Variants in DAPK2 observed in about 807,000 individuals in gnomAD.
DAPK2 encodes death-associated protein kinase 2.
A neutral mutation model predicts 44.1 loss-of-function variants in DAPK2; 35 were observed. The ratio of observed to expected loss-of-function variants is 0.79; its 90% CI spans 0.61 to 1.05. The LOEUF (loss-of-function observed/expected upper bound fraction) is 1.05. Ranked by LOEUF, DAPK2 falls within the 50% of genes least tolerant of loss-of-function variation. The probability of loss-of-function intolerance (pLI) is 0.00; values close to 1 mark genes in which losing one functional copy is unlikely to be tolerated. For missense variants in DAPK2, 453 were observed against 483.2 expected, an observed-to-expected ratio of 0.94 and a Z score of 0.59; for synonymous variants, 174 against 182.6, an observed-to-expected ratio of 0.95 and a Z score of 0.38.
At chr15:63,944,230 AC>A (rs1235190131) in intron 3 of DAPK2, among the ~76,000 whole-genome samples, 13 of 152,176 alleles carry the variant, frequency 8.5e-5, no homozygotes, top group African/African-American at 2.9e-4. Flanking sequence ...GGTCGTCAGG[AC>A]CCAGGTTCTC....
chr15:63,999,859 C>G (rs538741973), intron 1 of DAPK2, among the ~76,000 whole-genome samples: 1 of 151,904 alleles, frequency 6.6e-6, no homozygotes, highest in East Asian at 1.9e-4. Context: ...TCAAACTCCT[C>G]GGCTGAAGCT....
chr15:63,913,227 G>C (rs999660992), intron 8 of DAPK2, among the ~76,000 whole-genome samples: 2 of 152,104 alleles, frequency 1.3e-5, no homozygotes, highest in African/African-American at 4.8e-5. Flanking sequence ...GGCTACTAAA[G>C]GGTATGACAT....
intron 1 of DAPK2, among the ~76,000 whole-genome samples, chr15:64,003,964 C>G (rs2079162310): frequency 6.6e-6 from 1 of 152,182 alleles, no homozygotes; most frequent in Non-Finnish European, 1.5e-5. Context: ...ATTTGGTGTT[C>G]ATATTTCCCC....
intron 1 of DAPK2, among the ~76,000 whole-genome samples, chr15:63,997,799 C>T (rs1018649572): frequency 2.0e-5 from 3 of 152,202 alleles, no homozygotes; most frequent in Non-Finnish European, 2.9e-5. Flanking sequence ...GCTCTGAGGG[C>T]ACGGAGGTCT....
chr15:63,921,695 A>G (rs1321162850), intron 8 of DAPK2: 1 of 152,262 alleles, frequency 6.6e-6, no homozygotes, highest in Non-Finnish European at 1.5e-5. Flanking sequence ...TCAAGGCCCA[A>G]TGGCCTAGGT....
intron 1 of DAPK2, among the ~76,000 whole-genome samples, chr15:64,029,322 A>G (rs900566582): frequency 6.6e-6 from 1 of 151,994 alleles, no homozygotes; most frequent in Non-Finnish European, 1.5e-5. Flanking sequence ...TCCCTCTCTC[A>G]TCCACAGCCT....
At chr15:64,037,532 C>T (rs1278377681) in intron 1 of DAPK2, among the ~76,000 whole-genome samples, 1 of 152,186 alleles carries the variant, frequency 6.6e-6, no homozygotes, top group Non-Finnish European at 1.5e-5. Context: ...GCCTGGGGAG[C>T]ATAAACTGCC....
At chr15:64,024,966 G>A (rs2079797690) in intron 1 of DAPK2, among the ~76,000 whole-genome samples, 2 of 152,278 alleles carry the variant, frequency 1.3e-5, no homozygotes, top group Non-Finnish European at 2.9e-5. Context: ...AGGTGGAGGT[G>A]AGCAGGGAGG....
At chr15:63,922,611 G>T in intron 8 of DAPK2, 1 of 1,425,768 alleles carries the variant, frequency 7.0e-7, no homozygotes, top group Non-Finnish European at 9.1e-7. Context: ...CTGTGGAGGG[G>T]CTGGAAGGCT....
At chr15:63,992,080 G>C (rs1050222660) in intron 1 of DAPK2, among the ~76,000 whole-genome samples, 1 of 152,148 alleles carries the variant, frequency 6.6e-6, no homozygotes, top group African/African-American at 2.4e-5. Flanking sequence ...GAATCACTTA[G>C]CAGGGCCAAG....
intron 6 of DAPK2, among the ~76,000 whole-genome samples, chr15:63,927,743 A>AT (rs56346248): frequency 0.26 from 38,358 of 146,316 alleles, 5,668 homozygotes; most frequent in Non-Finnish European, 0.34. Flanking sequence ...CTGGGATTCC[A>AT]TTTTTTTTTT....
intron 1 of DAPK2, among the ~76,000 whole-genome samples, chr15:63,995,556 A>G (rs2078931005): frequency 1.3e-5 from 2 of 152,194 alleles, no homozygotes; most frequent in African/African-American, 4.8e-5. Context: ...GCTACTCTGA[A>G]GGGAGCAATT....
At chr15:63,907,560 C>G (rs2078689650) in exon 11 of DAPK2, 1 of 152,214 alleles carries the variant, frequency 6.6e-6, no homozygotes, top group Non-Finnish European at 1.5e-5. Context: ...GCTGGGATGC[C>G]AGGTGCCTAC....
At chr15:63,952,139 C>T (rs193085992) in intron 3 of DAPK2, among the ~76,000 whole-genome samples, 60 of 152,094 alleles carry the variant, frequency 3.9e-4, no homozygotes, top group African/African-American at 1.3e-3. Context: ...ACTCAGGAGG[C>T]GGAGGGAGGA....
At chr15:63,979,982 A>G (rs2078457416) in intron 2 of DAPK2, among the ~76,000 whole-genome samples, 1 of 152,180 alleles carries the variant, frequency 6.6e-6, no homozygotes, top group South Asian at 2.1e-4. Flanking sequence ...TCCCTCTCAG[A>G]ACCTGGCCAT....
chr15:63,965,562 G>C (rs906901011), intron 3 of DAPK2, among the ~76,000 whole-genome samples: 2 of 152,236 alleles, frequency 1.3e-5, no homozygotes, highest in Non-Finnish European at 2.9e-5. Flanking sequence ...CCCCCCCTTG[G>C]GTGGTCCAGA....
rs1336938147 is a variant in DAPK2 at position 63,960,700 on chromosome 15, A to C, written c.453+10723T>G. The stretch of plus-strand genomic sequence containing the variant: ...TAATCCCGAGTTATAGTTTGATTGC[A>C]CTGTGGTCTGAGAGACAGTTATAAT... On this transcript the variant is annotated intron_variant, in intron 3 of 10. Coordinates refer to ENST00000261891, the Ensembl canonical transcript of DAPK2. Among the ~76,000 whole-genome samples, 4 of 152,318 alleles carry C rather than the reference A, an allele frequency of 2.6e-5. No individual in the cohort carries two copies. The East Asian group carries it at 7.7e-4, about 29-fold the overall frequency.
intron 8 of DAPK2, chr15:63,921,422 T>C (rs764480523): frequency 6.6e-6 from 1 of 152,218 alleles, no homozygotes; most frequent in Non-Finnish European, 1.5e-5. Context: ...GATAGGGATG[T>C]TTTGTGAGGC....
upstream of DAPK2, among the ~76,000 whole-genome samples, chr15:64,041,213 T>C (rs959339515): frequency 1.3e-5 from 2 of 152,174 alleles, no homozygotes; most frequent in Admixed American, 1.3e-4. Context: ...GTGAGGCAAA[T>C]TCCTACAGGC....
Sources: allele counts gnomAD v4.1 joint callset (sites outside exome capture counted in the v4.1 genomes callset), GRCh38; gene constraint gnomAD v4.1.1; transcripts MANE v1.5; gene names NCBI Gene and HGNC (gene_info 2026-07-23, HGNC 2026-07-21).